ZNF385D: variants seen among roughly 807,000 people sequenced by gnomAD.
The protein encoded by ZNF385D is zinc finger protein 385D.
ZNF385D carries 15 observed loss-of-function variants against 35.8 expected under a neutral mutation model. That is an observed-to-expected ratio of 0.42 (90% CI 0.28 to 0.64). The LOEUF (loss-of-function observed/expected upper bound fraction) is 0.64, where lower values mean the gene tolerates loss of function less well. Ranked by LOEUF, ZNF385D falls within the 30% of genes least tolerant of loss-of-function variation. ZNF385D has a pLI of 0.23. For synonymous variants in ZNF385D, 212 were observed against 186.8 expected (o/e 1.13, Z -1.10); for missense variants, 474 against 494.6 (o/e 0.96, Z 0.39).
At chr3:22,092,698 T>C (rs1369056169) in intron 3 of ZNF385D, among the ~76,000 whole-genome samples, 1 of 152,138 alleles carries the variant, frequency 6.6e-6, no homozygotes, top group Non-Finnish European at 1.5e-5. Flanking sequence ...TATTCTTTGC[T>C]AGCAAATCCC....
intron 3 of ZNF385D, among the ~76,000 whole-genome samples, chr3:21,896,294 GAT>G (rs1699131334): frequency 6.6e-6 from 1 of 151,980 alleles, no homozygotes; most frequent in Non-Finnish European, 1.5e-5. Context: ...TGATGCTTTG[GAT>G]ATATGTCACT....
At chr3:21,779,492 G>C (rs1188214203) in intron 3 of ZNF385D, among the ~76,000 whole-genome samples, 1 of 151,860 alleles carries the variant, frequency 6.6e-6, no homozygotes, top group Non-Finnish European at 1.5e-5. Flanking sequence ...ACTATATTTT[G>C]GATGTAATAA....
chr3:21,838,074 A>G lies in ZNF385D; in HGVS notation c.326-173046T>C, dbSNP rs13060593. Among the ~76,000 whole-genome samples, 303 of 152,182 alleles carry G rather than the reference A, an allele frequency of 2.0e-3. 1 individual carries two copies. Among genetic ancestry groups the G allele is most frequent in the Admixed American group, 4.2e-3 (64 of 15,264 alleles). ...TTTAGATCTTCATAACTGCACATTA[A>G]CAGTAGCAATCTTAATGGCATGATT... On this transcript the variant is annotated intron_variant, in intron 3 of 5. Coordinates refer to the ZNF385D transcript ENST00000494108.
chr3:22,193,602 A>T (rs936069067), intron 2 of ZNF385D, among the ~76,000 whole-genome samples: 3 of 152,016 alleles, frequency 2.0e-5, no homozygotes, highest in Admixed American at 1.3e-4. Flanking sequence ...CAGTTTTTCT[A>T]ATCTATTTGA....
At chr3:22,131,776 T>C (rs1463816020) in intron 3 of ZNF385D, among the ~76,000 whole-genome samples, 1 of 152,148 alleles carries the variant, frequency 6.6e-6, no homozygotes, top group Admixed American at 6.6e-5. Flanking sequence ...GTCAGAGTTA[T>C]CTCCTGAGAA....
intron 1 of ZNF385D, among the ~76,000 whole-genome samples, chr3:21,694,873 T>A (rs1553639186): frequency 1.3e-5 from 2 of 152,082 alleles, no homozygotes; most frequent in Non-Finnish European, 1.5e-5. Flanking sequence ...AGGAGAATTT[T>A]AAAAAATAGA....
At chr3:21,915,206 T>G (rs563131136) in intron 3 of ZNF385D, among the ~76,000 whole-genome samples, 1 of 152,102 alleles carries the variant, frequency 6.6e-6, no homozygotes. Context: ...ATTAGATACA[T>G]ATTTTTAGAA....
chr3:21,639,035 C>T (rs9828575), intron 2 of ZNF385D, among the ~76,000 whole-genome samples: 2,609 of 152,120 alleles, frequency 0.017, 69 homozygotes, highest in African/African-American at 0.059. Flanking sequence ...TCAAAAAGAG[C>T]AACTCTAATT....
intron 2 of ZNF385D, among the ~76,000 whole-genome samples, chr3:22,203,953 A>T (rs1322244851): frequency 6.6e-6 from 1 of 152,034 alleles, no homozygotes; most frequent in African/African-American, 2.4e-5. Flanking sequence ...TGGCTTCATA[A>T]CCTGCTGATT....
chr3:21,546,833 C>T (rs1159060838), intron 3 of ZNF385D, among the ~76,000 whole-genome samples: 2 of 42,254 alleles, frequency 4.7e-5, no homozygotes, highest in Non-Finnish European at 8.6e-5. Context: ...TTCCTATTCT[C>T]TAGCCCCCCC....
At chr3:21,463,246 A>G (rs1440322153) in intron 4 of ZNF385D, among the ~76,000 whole-genome samples, 1 of 152,148 alleles carries the variant, frequency 6.6e-6, no homozygotes, top group East Asian at 1.9e-4. Flanking sequence ...TGAAACAGAT[A>G]CTACATTCAA....
At chr3:22,122,872 C>G (rs1441896376) in intron 3 of ZNF385D, among the ~76,000 whole-genome samples, 6 of 152,056 alleles carry the variant, frequency 3.9e-5, no homozygotes, top group Non-Finnish European at 7.4e-5. Flanking sequence ...TTTGCATTGG[C>G]AAAAGATGAA....
At chr3:22,132,126 T>G (rs1703835209) in intron 3 of ZNF385D, among the ~76,000 whole-genome samples, 1 of 152,166 alleles carries the variant, frequency 6.6e-6, no homozygotes, top group Non-Finnish European at 1.5e-5. Flanking sequence ...AATATTAGTG[T>G]CCATGTCATA....
At chr3:21,936,577 C>G (rs1701269511) in intron 3 of ZNF385D, among the ~76,000 whole-genome samples, 1 of 151,814 alleles carries the variant, frequency 6.6e-6, no homozygotes, top group African/African-American at 2.4e-5. Flanking sequence ...ATTATATACT[C>G]ATTTATTATA....
At chr3:22,022,413 T>A (rs1697283786) in intron 3 of ZNF385D, among the ~76,000 whole-genome samples, 1 of 152,098 alleles carries the variant, frequency 6.6e-6, no homozygotes, top group East Asian at 1.9e-4. Context: ...CAACTTGGAG[T>A]TATTCTATGA....
intron 3 of ZNF385D, among the ~76,000 whole-genome samples, chr3:21,949,748 T>C (rs189384598): frequency 1.3e-5 from 2 of 151,998 alleles, no homozygotes; most frequent in African/African-American, 4.8e-5. Flanking sequence ...GATGTTCCCC[T>C]CCACGCGTCC....
chr3:21,867,854 T>C (rs1697457470), intron 3 of ZNF385D, among the ~76,000 whole-genome samples: 1 of 152,062 alleles, frequency 6.6e-6, no homozygotes, highest in Admixed American at 6.6e-5. Context: ...TAGTCACATG[T>C]CACTCTTGAA....
intron 3 of ZNF385D, among the ~76,000 whole-genome samples, chr3:21,797,385 T>C (rs1419928368): frequency 1.3e-5 from 2 of 152,190 alleles, no homozygotes; most frequent in Non-Finnish European, 2.9e-5. Context: ...GATTCATTGC[T>C]AGTGGAAACA....
At chr3:22,100,037 C>A (rs919484076) in intron 3 of ZNF385D, among the ~76,000 whole-genome samples, 20 of 151,868 alleles carry the variant, frequency 1.3e-4, no homozygotes, top group African/African-American at 4.6e-4. Context: ...TGAACAGACA[C>A]TTCTCAAAAG....
Sources: allele counts gnomAD v4.1 joint callset (sites outside exome capture counted in the v4.1 genomes callset), GRCh38; gene constraint gnomAD v4.1.1; transcripts MANE v1.5; gene names NCBI Gene and HGNC (gene_info 2026-07-23, HGNC 2026-07-21).